Variants in PAX5 observed in about 807,000 individuals in gnomAD.
PAX5 encodes the protein paired box protein Pax-5.
PAX5 carries 9 observed loss-of-function variants against 43.7 expected under a neutral mutation model. That is an observed-to-expected ratio of 0.21 (90% CI 0.12 to 0.36). PAX5 has a LOEUF of 0.36. Among genes scored for constraint, PAX5 ranks in the 10% least tolerant of loss-of-function variants. The probability of loss-of-function intolerance (pLI) is 1.00; values close to 1 mark genes in which losing one functional copy is unlikely to be tolerated. For missense variants in PAX5, 383 were observed against 532.7 expected (o/e 0.72, Z 2.77); for synonymous variants, 228 against 214.3 (o/e 1.06, Z -0.56).
intron 6 of PAX5, among the ~76,000 whole-genome samples, chr9:36,935,955 T>G (rs568968392): frequency 2.0e-5 from 3 of 152,338 alleles, no homozygotes; most frequent in African/African-American, 7.2e-5. Flanking sequence ...AGACATGCTG[T>G]CGGACTGGGG....
At chr9:36,890,164 G>A (rs898871657) in intron 7 of PAX5, among the ~76,000 whole-genome samples, 1 of 151,960 alleles carries the variant, frequency 6.6e-6, no homozygotes, top group African/African-American at 2.4e-5. Context: ...ATACCATAGG[G>A]CACCAACCAA....
chr9:36,864,954 G>A (rs765852527), intron 8 of PAX5, among the ~76,000 whole-genome samples: 5 of 152,246 alleles, frequency 3.3e-5, no homozygotes, highest in Admixed American at 1.3e-4. Context: ...GCTGGCAGGC[G>A]GGCTGGGGTG....
At chr9:36,956,904 A>G (rs745800697) in intron 6 of PAX5, among the ~76,000 whole-genome samples, 1 of 152,258 alleles carries the variant, frequency 6.6e-6, no homozygotes, top group Non-Finnish European at 1.5e-5. Flanking sequence ...CCTTGTGATT[A>G]TCTCATTCCT....
rs190742863 is a variant in PAX5, at chr9:36,989,451, G to C, written c.604+13197C>G. On this transcript the variant is annotated intron_variant, in intron 5 of 9. Transcript: ENST00000358127. ...TGGGGATAATAAGAGTATCCACCTGGTACAGTGGTTGTGAGTATTACATGA... is the reference window on the plus strand; with the variant it reads ...TGGGGATAATAAGAGTATCCACCTGCTACAGTGGTTGTGAGTATTACATGA... Among the ~76,000 whole-genome samples, 229 of 152,096 alleles carry C rather than the reference G, an allele frequency of 1.5e-3. 1 individual carries two copies. Among genetic ancestry groups the C allele is most frequent in the African/African-American group, 5.3e-3 (219 of 41,532 alleles).
At chr9:37,016,468 T>C (rs1212472640) in intron 2 of PAX5, among the ~76,000 whole-genome samples, 1 of 152,214 alleles carries the variant, frequency 6.6e-6, no homozygotes, top group Non-Finnish European at 1.5e-5. Context: ...ATTTCCATGC[T>C]ATCAGCATTT....
In PAX5 at chr9:36,837,221, C is replaced by A. The variant is rs1821704762; in HGVS notation, c.*3339G>T. On this transcript the variant is annotated 3_prime_UTR_variant, in exon 10 of 10. Coordinates refer to ENST00000358127, the MANE Select transcript of PAX5 (RefSeq NM_016734.3). Reference sequence around the variant, plus strand: ...ATGTTGCCGTGAGAGCCCCAAATGTCAATTTCCCCGTCTATAAAGTAGGCA... The same window carrying A: ...ATGTTGCCGTGAGAGCCCCAAATGTAAATTTCCCCGTCTATAAAGTAGGCA... 1 of 233,148 alleles carries A rather than the reference C, an allele frequency of 4.3e-6. No homozygotes were observed. The highest frequency in any genetic ancestry group is 1.8e-4 in the South Asian group (1 of 5,516). The allele number at this position is 233,148 out of a possible 1,614,324, so 14.4% of individuals were successfully genotyped here.
Position 37,018,444 on chromosome 9 carries a change from A to G in PAX5, c.212+2192T>C, listed in dbSNP as rs144746352. ...AGACCGCCCACCTTCCTGAGATGAC[A>G]GGGGTCCCTGTGTGCCCCAGGGACT... On this transcript the variant is annotated intron_variant, in intron 2 of 9. Coordinates refer to ENST00000358127, the MANE Select transcript of PAX5 (RefSeq NM_016734.3). Among the ~76,000 whole-genome samples, 521 of 152,026 alleles carry G rather than the reference A, an allele frequency of 3.4e-3. 3 individuals are homozygous for G. The highest frequency in any genetic ancestry group is 7.9e-3 in the Admixed American group (120 of 15,258).
chr9:36,965,690 G>A (rs373547944), intron 6 of PAX5, among the ~76,000 whole-genome samples: 39 of 152,332 alleles, frequency 2.6e-4, no homozygotes, highest in African/African-American at 9.1e-4. Flanking sequence ...TAGTACCAGC[G>A]AGGAAAGTGC....
At chr9:36,863,865 CTT>C (rs1413457523) in intron 8 of PAX5, among the ~76,000 whole-genome samples, 4 of 152,190 alleles carry the variant, frequency 2.6e-5, no homozygotes, top group Admixed American at 6.5e-5. Context: ...AATCCCAGTA[CTT>C]TGGGAGGCTA....
chr9:36,858,887 C>T (rs984890352), intron 8 of PAX5, among the ~76,000 whole-genome samples: 1 of 152,186 alleles, frequency 6.6e-6, no homozygotes, highest in African/African-American at 2.4e-5. Context: ...TGTCCCGCCG[C>T]TGACTAATGA....
intron 7 of PAX5, among the ~76,000 whole-genome samples, chr9:36,907,020 C>T: frequency 6.6e-6 from 1 of 152,100 alleles, no homozygotes; most frequent in East Asian, 1.9e-4. Context: ...TTTCCCAGAC[C>T]CCAGTGGGCG....
intron 5 of PAX5, among the ~76,000 whole-genome samples, chr9:36,984,584 G>A (rs1467688926): frequency 9.2e-5 from 14 of 151,776 alleles, no homozygotes; most frequent in Admixed American, 9.2e-4. Flanking sequence ...GGGATTACAG[G>A]TGCACACAAC....
chr9:36,840,599 G>C lies in PAX5; in HGVS notation c.1137C>G (p.Ala379=). The C allele has an allele frequency of 6.3e-7, 1 of 1,581,880 alleles. No homozygotes were observed. Among genetic ancestry groups the C allele is most frequent in the Non-Finnish European group, 8.6e-7 (1 of 1,164,920 alleles). ...AGGCAGTGGCGGCTGCAGGTGGGGC[G>C]GCTCCTCGGGCGGCAGCGCTATAAT... ...PYYYSAAARG[A]APPAAATAYD... is the part of the protein sequence containing the mutation. Residue 379 remains alanine, a synonymous_variant, in exon 10 of 10, where the codon GCC becomes GCG. Coordinates refer to ENST00000358127, the MANE Select transcript of PAX5 (RefSeq NM_016734.3).
intron 7 of PAX5, among the ~76,000 whole-genome samples, chr9:36,910,540 A>G (rs1829181527): frequency 6.6e-6 from 1 of 152,158 alleles, no homozygotes; most frequent in African/African-American, 2.4e-5. Flanking sequence ...TGCAAATCAA[A>G]GCACCTTTGG....
chr9:37,010,474 T>A (rs1267524051), intron 3 of PAX5, among the ~76,000 whole-genome samples: 1 of 152,166 alleles, frequency 6.6e-6, no homozygotes, highest in Non-Finnish European at 1.5e-5. Flanking sequence ...ATACTTCCTA[T>A]GTGAGGCATA....
At chr9:36,931,766 T>C (rs1421934270) in intron 6 of PAX5, among the ~76,000 whole-genome samples, 1 of 151,212 alleles carries the variant, frequency 6.6e-6, no homozygotes, top group African/African-American at 2.4e-5. Flanking sequence ...GGAGAATTGC[T>C]TGAACCCAGG....
chr9:36,837,103 G>A lies in PAX5; in HGVS notation c.*3457C>T, dbSNP rs1821695220. The A allele has an allele frequency of 8.6e-6, 2 of 233,034 alleles. No individual in the cohort carries two copies. Among genetic ancestry groups the A allele is most frequent in the African/African-American group, 4.4e-5 (2 of 45,302 alleles). The allele number at this position is 233,034 out of a possible 1,614,324, so 14.4% of individuals were successfully genotyped here. Reference sequence around the variant, plus strand: ...GGGGATTTCTAGGGAATGGGGGTGGGGGAGTGTCTTTAAGCCATACACTCC... The same window carrying A: ...GGGGATTTCTAGGGAATGGGGGTGGAGGAGTGTCTTTAAGCCATACACTCC... On this transcript the variant is annotated 3_prime_UTR_variant, in exon 10 of 10. Coordinates refer to ENST00000358127, the MANE Select transcript of PAX5 (RefSeq NM_016734.3).
In PAX5 at chr9:36,923,341, C is replaced by T. The variant is rs1830337094; in HGVS notation, c.910+14G>A. ...CTCTCCCTCACTCATCCCCCATGCC[C>T]CAGGTGCCCTCACCTGTCACAATGG... is the stretch of plus-strand genomic sequence containing the variant. On this transcript the variant is annotated intron_variant, in intron 7 of 9. Transcript: ENST00000358127. The T allele has an allele frequency of 6.2e-7, 1 of 1,607,376 alleles. No individual in the cohort carries two copies. The highest frequency in any genetic ancestry group is 8.5e-7 in the Non-Finnish European group (1 of 1,176,826).
Position 36,943,529 on chromosome 9 carries a change from T to TACACACACACAC in PAX5, c.781-20057_781-20046dup, listed in dbSNP as rs1554668821. On this transcript the variant is annotated intron_variant, in intron 6 of 9. Coordinates refer to ENST00000358127, the MANE Select transcript of PAX5 (RefSeq NM_016734.3). ...TGAGTATTTGTGGATTAGTTCAACA[T>TACACACACACAC]ACACACACACACACACACACACACA... Among the ~76,000 whole-genome samples the TACACACACACAC allele has an allele frequency of 8.2e-4, 119 of 146,012 alleles. 1 individual carries two copies. Among genetic ancestry groups the TACACACACACAC allele is most frequent in the African/African-American group, 2.5e-3 (98 of 39,668 alleles).
Sources: gnomAD v4.1 joint callset for allele counts (sites outside exome capture counted in the v4.1 genomes callset) on GRCh38, gnomAD v4.1.1 for gene constraint, MANE v1.5 for transcripts, NCBI Gene and HGNC (gene_info 2026-07-23, HGNC 2026-07-21) for gene names.